CDH12: variants seen among roughly 807,000 people sequenced by gnomAD.
The protein encoded by CDH12 is cadherin 12, also known as cadherin-12.
In CDH12, 41 loss-of-function variants were observed where a neutral mutation model predicts 74.1. That is an observed-to-expected ratio of 0.55 (90% CI 0.43 to 0.72). CDH12 has a LOEUF of 0.72. Ranked by LOEUF, CDH12 falls within the 30% of genes least tolerant of loss-of-function variation. The pLI, the probability that CDH12 is intolerant of heterozygous loss-of-function variation, is 0.00. For synonymous variants in CDH12, 399 were observed against 355.0 expected (o/e 1.12, Z -1.39); for missense variants, 945 against 977.2 (o/e 0.97, Z 0.44).
At chr5:22,276,834 A>C (rs1398433536) in intron 3 of CDH12, among the ~76,000 whole-genome samples, 2 of 152,184 alleles carry the variant, frequency 1.3e-5, no homozygotes, top group Admixed American at 1.3e-4. Context: ...TTACAGGTAC[A>C]TGATATCACA....
chr5:21,805,586 G>A (rs766435158), intron 9 of CDH12, among the ~76,000 whole-genome samples: 4 of 152,004 alleles, frequency 2.6e-5, no homozygotes, highest in Non-Finnish European at 4.4e-5. Flanking sequence ...ACTTCTTCGT[G>A]ACCCTGACTT....
chr5:21,902,992 G>A (rs1215546049), intron 6 of CDH12, among the ~76,000 whole-genome samples: 2 of 152,052 alleles, frequency 1.3e-5, no homozygotes, highest in African/African-American at 2.4e-5. Flanking sequence ...TTACAAATGA[G>A]TTAAGACGCT....
At chr5:22,321,836 G>T (rs929661701) in intron 3 of CDH12, among the ~76,000 whole-genome samples, 1 of 151,992 alleles carries the variant, frequency 6.6e-6, no homozygotes, top group Admixed American at 6.6e-5. Flanking sequence ...TATTATTAAA[G>T]AAATTATTGG....
intron 9 of CDH12, among the ~76,000 whole-genome samples, chr5:21,807,434 TG>T (rs1280827908): frequency 6.6e-6 from 1 of 152,132 alleles, no homozygotes; most frequent in East Asian, 1.9e-4. Flanking sequence ...GTCTGTGCAA[TG>T]GGCAGGAAGA....
chr5:21,883,256 G>C (rs879196940), intron 6 of CDH12: 16 of 1,353,992 alleles, frequency 1.2e-5, no homozygotes, highest in South Asian at 3.5e-5. Context: ...TTGATTGAGG[G>C]TATATTTCTC....
chr5:22,029,662 G>C (rs1427004064), intron 5 of CDH12, among the ~76,000 whole-genome samples: 2 of 152,190 alleles, frequency 1.3e-5, no homozygotes, highest in African/African-American at 4.8e-5. Flanking sequence ...TACACTGTTG[G>C]TGGGACTGTA....
At chr5:22,587,431 G>C (rs1352429110) in intron 1 of CDH12, among the ~76,000 whole-genome samples, 1 of 152,182 alleles carries the variant, frequency 6.6e-6, no homozygotes, top group Non-Finnish European at 1.5e-5. Context: ...CAAGATGAGA[G>C]TGAGAAGAAA....
At chr5:22,237,156 G>C (rs1306035031) in intron 3 of CDH12, among the ~76,000 whole-genome samples, 1 of 152,054 alleles carries the variant, frequency 6.6e-6, no homozygotes, top group Non-Finnish European at 1.5e-5. Context: ...GCAAACAGGT[G>C]AGTCATGTGC....
intron 2 of CDH12, among the ~76,000 whole-genome samples, chr5:22,424,146 G>A (rs1743792241): frequency 6.6e-6 from 1 of 150,946 alleles, no homozygotes; most frequent in African/African-American, 2.4e-5. Context: ...AGCACCAGAT[G>A]TGGTAGGCTG....
At chr5:21,884,849 G>A (rs1335926370) in intron 6 of CDH12, among the ~76,000 whole-genome samples, 1 of 152,112 alleles carries the variant, frequency 6.6e-6, no homozygotes, top group Non-Finnish European at 1.5e-5. Context: ...ACTACTGTAT[G>A]GGGTAATAAC....
rs528319442 is a variant in CDH12 at position 22,246,313 on chromosome 5, A to AT, written c.-332-33671dup. ...GTAATTTTACATTCTAAAGTACTGT[A>AT]TTCAATGTTTCACGTAAAGATAATA... On this transcript the variant is annotated intron_variant, in intron 3 of 14. Transcript: ENST00000382254. 1.0e-3 allele frequency among the ~76,000 whole-genome samples: 159 copies of AT among 152,242 alleles called. 3 individuals are homozygous for AT. In the East Asian group the frequency reaches 0.021, roughly 20 times the overall value.
chr5:22,218,793 A>G (rs1751911992), intron 3 of CDH12, among the ~76,000 whole-genome samples: 3 of 151,790 alleles, frequency 2.0e-5, no homozygotes, highest in African/African-American at 2.4e-5. Flanking sequence ...ATAAAACAGA[A>G]TCACAATTAA....
chr5:22,412,066 A>G (rs1483796872), intron 2 of CDH12, among the ~76,000 whole-genome samples: 1 of 152,006 alleles, frequency 6.6e-6, no homozygotes, highest in Admixed American at 6.6e-5. Flanking sequence ...CATCATAGGT[A>G]GACAGACAGA....
chr5:21,958,024 T>C (rs2910517), intron 6 of CDH12, among the ~76,000 whole-genome samples: 2,938 of 152,096 alleles, frequency 0.019, 101 homozygotes, highest in African/African-American at 0.068. Context: ...GGTAATTGAA[T>C]CTGGGGGTGG....
intron 1 of CDH12, among the ~76,000 whole-genome samples, chr5:22,538,719 A>C (rs903316047): frequency 6.6e-6 from 1 of 152,176 alleles, no homozygotes; most frequent in African/African-American, 2.4e-5. Context: ...CTGATTTTTT[A>C]TAATAATATT....
chr5:22,425,171 A>AT (rs1491469008), intron 2 of CDH12, among the ~76,000 whole-genome samples: 8,636 of 98,230 alleles, frequency 0.088, 499 homozygotes, highest in African/African-American at 0.15. Context: ...ATATATATAT[A>AT]AATATATATA....
At chr5:21,759,047 T>C (rs1298476038) in intron 13 of CDH12, among the ~76,000 whole-genome samples, 3 of 152,034 alleles carry the variant, frequency 2.0e-5, no homozygotes, top group East Asian at 1.9e-4. Context: ...AATGGGATCA[T>C]AGAAGCCCAA....
intron 1 of CDH12, among the ~76,000 whole-genome samples, chr5:22,794,545 G>T (rs1480363344): frequency 2.0e-5 from 3 of 152,112 alleles, no homozygotes; most frequent in Non-Finnish European, 4.4e-5. Context: ...AATGAGACCA[G>T]CAAGGCCAGT....
At chr5:22,425,452 G>C (rs1743887088) in intron 2 of CDH12, among the ~76,000 whole-genome samples, 3 of 151,340 alleles carry the variant, frequency 2.0e-5, no homozygotes, top group Admixed American at 2.0e-4. Context: ...CTGTAGCACA[G>C]CGTCATTATA....
Sources: allele counts gnomAD v4.1 joint callset (sites outside exome capture counted in the v4.1 genomes callset), GRCh38; gene constraint gnomAD v4.1.1; transcripts MANE v1.5; gene names NCBI Gene and HGNC (gene_info 2026-07-23, HGNC 2026-07-21).